The following CADM1 variants were observed in gnomAD, a reference collection of about 807,000 sequenced individuals.
CADM1 encodes the protein cell adhesion molecule 1, also known as TSLC-1.
A neutral mutation model predicts 53.1 loss-of-function variants in CADM1; 15 were observed. The observed-to-expected ratio is 0.28, with a 90% CI of 0.19 to 0.44. The LOEUF is 0.44. Ranked by LOEUF, CADM1 falls within the 20% of genes least tolerant of loss-of-function variation. The pLI is 1.00. For synonymous variants in CADM1, 281 were observed against 243.0 expected, an observed-to-expected ratio of 1.16 and a Z score of -1.45; for missense variants, 434 against 611.3, an observed-to-expected ratio of 0.71 and a Z score of 3.06.
At chr11:115,203,417 A>G (rs1030749380) in intron 8 of CADM1, among the ~76,000 whole-genome samples, 3 of 152,198 alleles carry the variant, frequency 2.0e-5, no homozygotes, top group Non-Finnish European at 4.4e-5. Flanking sequence ...TGATGGAGAC[A>G]GGAAAGAGGC....
intron 1 of CADM1, among the ~76,000 whole-genome samples, chr11:115,280,950 A>G (rs1565341348): frequency 6.6e-6 from 1 of 152,190 alleles, no homozygotes; most frequent in Non-Finnish European, 1.5e-5. Context: ...ATCTCCCTAG[A>G]CAGTTTGTCA....
intron 8 of CADM1, among the ~76,000 whole-genome samples, chr11:115,201,055 G>A (rs190254807): frequency 1.7e-4 from 26 of 152,246 alleles, no homozygotes; most frequent in Non-Finnish European, 3.4e-4. Context: ...TTCTGGGGAT[G>A]GGAAATCCAT....
rs145492971 is a variant in CADM1 at position 115,176,672 on chromosome 11, T to C, written c.1298-80A>G. On this transcript the variant is annotated intron_variant, in intron 11 of 11. Coordinates refer to ENST00000331581, the MANE Select transcript of CADM1 (RefSeq NM_001301043.2). The stretch of plus-strand genomic sequence containing the variant: ...GGTACAGAGATGGCAACTTGCTTTA[T>C]GGCCATCATCAGCCGAAGTGGTGTG... The C allele has an allele frequency of 1.1e-4, 126 of 1,176,988 alleles. No homozygotes were observed. The African/African-American group carries it at 1.6e-3, about 15-fold the overall frequency. 72.9% of individuals were successfully genotyped at this position (1,176,988 alleles called of 1,614,324 possible).
intron 1 of CADM1, among the ~76,000 whole-genome samples, chr11:115,449,192 C>G (rs1399730458): frequency 6.6e-6 from 1 of 152,176 alleles, no homozygotes; most frequent in Non-Finnish European, 1.5e-5. Context: ...ATGGAACCTG[C>G]CAGGTATGCC....
intron 7 of CADM1, among the ~76,000 whole-genome samples, chr11:115,212,559 C>T (rs756090339): frequency 7.9e-5 from 12 of 152,060 alleles, no homozygotes; most frequent in Admixed American, 2.6e-4. Context: ...CAGGTGGATC[C>T]CTATATTTCT....
intron 5 of CADM1, among the ~76,000 whole-genome samples, chr11:115,228,655 C>T (rs1941702681): frequency 6.6e-6 from 1 of 152,060 alleles, no homozygotes; most frequent in South Asian, 2.1e-4. Context: ...GCAATGATCC[C>T]AAAGAGTCGA....
chr11:115,470,047 A>C (rs528819362), intron 1 of CADM1, among the ~76,000 whole-genome samples: 1 of 152,352 alleles, frequency 6.6e-6, no homozygotes, highest in African/African-American at 2.4e-5. Context: ...AATCAGCAAA[A>C]TAAAAAAATA....
In CADM1 at chr11:115,170,462, A is replaced by G. The variant is rs905121962; in HGVS notation, c.*6012T>C. 3 of 152,188 alleles carry G rather than the reference A, an allele frequency of 2.0e-5. No homozygotes were observed. Among genetic ancestry groups the G allele is most frequent in the African/African-American group, 7.2e-5 (3 of 41,432 alleles). The allele number at this position is 152,188 out of a possible 1,614,324, so 9.4% of individuals were successfully genotyped here. A position where few individuals can be genotyped will look rare whatever the true frequency, so the allele number is the denominator to read the frequency against. ...TTGGGAATGAAAAAAATAAATAAAA[A>G]CATAAAAATGAAACAAAGTTTCCTG... is the stretch of plus-strand genomic sequence containing the variant. On this transcript the variant is annotated 3_prime_UTR_variant, in exon 12 of 12. Transcript: ENST00000331581.
intron 11 of CADM1, 132 bp downstream of exon 11, chr11:115,178,505 TCTCTCTC>T: frequency 1.3e-6 from 1 of 780,376 alleles, no homozygotes; most frequent in Non-Finnish European, 2.2e-6. Context: ...TTTTTTCTCT[TCTCTCTC>T]TTCCAGTTTC....
At chr11:115,409,414 T>C (rs1947401844) in intron 1 of CADM1, among the ~76,000 whole-genome samples, 1 of 152,208 alleles carries the variant, frequency 6.6e-6, no homozygotes, top group Non-Finnish European at 1.5e-5. Context: ...TTTTTTTGTT[T>C]TGTTTTGTCT....
intron 1 of CADM1, among the ~76,000 whole-genome samples, chr11:115,454,843 A>C (rs1470430010): frequency 2.0e-5 from 3 of 152,234 alleles, no homozygotes; most frequent in Admixed American, 2.0e-4. Flanking sequence ...TGCCTCGTAC[A>C]GGAGCTTATA....
intron 1 of CADM1, among the ~76,000 whole-genome samples, chr11:115,449,071 G>A (rs1221780753): frequency 2.0e-5 from 3 of 152,024 alleles, no homozygotes; most frequent in Non-Finnish European, 4.4e-5. Flanking sequence ...TTTTATGCAG[G>A]CACCTTGTCC....
intron 1 of CADM1, among the ~76,000 whole-genome samples, chr11:115,405,015 GT>G (rs1214148066): frequency 6.6e-6 from 1 of 152,162 alleles, no homozygotes; most frequent in Non-Finnish European, 1.5e-5. Context: ...TAAAGAGTCA[GT>G]GTCTCACTAT....
chr11:115,205,663 C>T (rs1469266545), intron 8 of CADM1, among the ~76,000 whole-genome samples: 1 of 151,884 alleles, frequency 6.6e-6, no homozygotes, highest in Non-Finnish European at 1.5e-5. Context: ...ACCACACGGA[C>T]AATTTGACAC....
rs1365682603 is a variant in CADM1 at position 115,433,985 on chromosome 11, A to G, written c.124+70286T>C. On this transcript the variant is annotated intron_variant, in intron 1 of 11. Transcript: ENST00000331581. ...ATTTATTAACCTGCCAGCACTTCAA[A>G]TAAGTAATTTTAATGCTAAGATCTT... is the stretch of plus-strand genomic sequence containing the variant. Among the ~76,000 whole-genome samples, 5 of 152,212 alleles carry G rather than the reference A, an allele frequency of 3.3e-5. No homozygotes were observed. In the East Asian group the frequency reaches 5.8e-4, roughly 18 times the overall value.
At chr11:115,182,522 A>C (rs912836174) in intron 10 of CADM1, among the ~76,000 whole-genome samples, 2 of 152,238 alleles carry the variant, frequency 1.3e-5, no homozygotes, top group Non-Finnish European at 2.9e-5. Flanking sequence ...TGGAGTTAAG[A>C]ATCTCATCCA....
intron 1 of CADM1, among the ~76,000 whole-genome samples, chr11:115,392,280 C>G (rs1946855263): frequency 6.6e-6 from 1 of 151,992 alleles, no homozygotes; most frequent in South Asian, 2.1e-4. Flanking sequence ...ACTCCAGTGC[C>G]TGGCACGTAA....
intron 1 of CADM1, chr11:115,399,568 C>A (rs1947084813): frequency 6.6e-6 from 1 of 152,140 alleles, no homozygotes; most frequent in South Asian, 2.1e-4. Context: ...ATTCACCTCT[C>A]AGAAACTTTA....
In CADM1 at chr11:115,504,405, T is replaced by C. The variant is rs1473529418; in HGVS notation, c.-11A>G. 4.5e-6 allele frequency: 7 copies of C among 1,543,740 alleles called. No individual in the cohort carries two copies. Among genetic ancestry groups the C allele is most frequent in the Non-Finnish European group, 5.2e-6 (6 of 1,145,668 alleles). On this transcript the variant is annotated 5_prime_UTR_variant, in exon 1 of 12. Coordinates refer to ENST00000331581, the MANE Select transcript of CADM1 (RefSeq NM_001301043.2). ...CACTACACTCGCCATGTCGGGCACC[T>C]GCCTCAGACTGGCGGCGTTGGCTGC...
Sources: gnomAD v4.1 joint callset for allele counts (sites outside exome capture counted in the v4.1 genomes callset) on GRCh38, gnomAD v4.1.1 for gene constraint, MANE v1.5 for transcripts, NCBI Gene and HGNC (gene_info 2026-07-23, HGNC 2026-07-21) for gene names.